The following TRIM11 variants were observed in gnomAD, a reference collection of about 807,000 sequenced individuals.
TRIM11 encodes the protein tripartite motif containing 11.
TRIM11 carries 15 observed loss-of-function variants against 33.4 expected under a neutral mutation model. That is an observed-to-expected ratio of 0.45 (90% confidence interval 0.30 to 0.69). TRIM11 has a LOEUF of 0.69. Among genes scored for constraint, TRIM11 ranks in the 30% least tolerant of loss-of-function variants. The pLI, the probability that TRIM11 is intolerant of heterozygous loss-of-function variation, is 0.08. For synonymous variants in TRIM11, 281 were observed against 302.6 expected (o/e 0.93, Z 0.74); for missense variants, 499 against 667.6 (o/e 0.75, Z 2.78).
intron 3 of TRIM11, among the ~76,000 whole-genome samples, chr1:228,397,875 C>T (rs981712170): frequency 1.3e-5 from 2 of 152,184 alleles, no homozygotes; most frequent in Non-Finnish European, 2.9e-5. Context: ...GACACAGACA[C>T]CCACAGAGGG....
chr1:228,406,578 A>C lies in TRIM11; in HGVS notation c.-17T>G. ...GGCGGCCATGGCGCGGACAGAGGGG[A>C]GGAAGGCGGTACTGTCCGCGGGGCG... On this transcript the variant is annotated 5_prime_UTR_variant, in exon 1 of 6. Transcript: ENST00000284551. This position sits in a 1 kb window ranked among gnomAD's most constrained non-coding sequence, Gnocchi z 8.2. The C allele has an allele frequency of 6.7e-7, 1 of 1,492,532 alleles. No individual in the cohort carries two copies. Among genetic ancestry groups the C allele is most frequent in the Middle Eastern group, 1.9e-4 (1 of 5,136 alleles). The allele number at this position is 1,492,532 out of a possible 1,614,324, so 92.5% of individuals were successfully genotyped here. A position where few individuals can be genotyped will look rare whatever the true frequency, so the allele number is the denominator to read the frequency against.
chr1:228,394,682 G>A lies in TRIM11; in HGVS notation c.*23C>T. ...GCCTGGAGGGGCAGGAGAGGCAACA[G>A]GACTCCTCCAGGAGGGCCCGAGTCA... On this transcript the variant is annotated 3_prime_UTR_variant, in exon 6 of 6. Coordinates refer to ENST00000284551, the MANE Select transcript of TRIM11 (RefSeq NM_145214.3). The surrounding 1 kb of genome is among the most constrained non-coding windows in gnomAD (Gnocchi z 6.2). 7 of 1,565,076 alleles carry A rather than the reference G, an allele frequency of 4.5e-6. No individual in the cohort carries two copies. The highest frequency in any genetic ancestry group is 6.1e-6 in the Non-Finnish European group (7 of 1,152,480).
intron 5 of TRIM11, 70 bp downstream of exon 5, chr1:228,396,877 G>A (rs1426050674): frequency 2.8e-6 from 4 of 1,445,998 alleles, no homozygotes; most frequent in Admixed American, 1.7e-5. Context: ...CAGAACACGT[G>A]GCTGGCTGCC....
rs1574082440 is a variant in TRIM11, at chr1:228,395,508, T to C, written c.860-256A>G. 1.3e-5 allele frequency: 5 copies of C among 372,148 alleles called. No homozygotes were observed. The highest frequency in any genetic ancestry group is 8.0e-5 in the East Asian group (2 of 25,084). The allele number at this position is 372,148 out of a possible 1,614,324, so 23.1% of individuals were successfully genotyped here. A position where few individuals can be genotyped will look rare whatever the true frequency, so the allele number is the denominator to read the frequency against. The stretch of plus-strand genomic sequence containing the variant: ...TTTGCCTTCAGATATCAAGAGGGAA[T>C]CTTGGTTGCTTTTTTTTTTTTTTTT... On this transcript the variant is annotated intron_variant, in intron 5 of 5. Transcript: ENST00000284551. This position sits in a 1 kb window ranked among gnomAD's most constrained non-coding sequence, Gnocchi z 4.8.
chr1:228,396,909 C>A, intron 5 of TRIM11, 38 bp downstream of exon 5: 1 of 1,600,404 alleles, frequency 6.2e-7, no homozygotes, highest in Non-Finnish European at 8.6e-7. Flanking sequence ...CAGGTCCCCT[C>A]CTGGAGTCAT....
chr1:228,400,985 C>T lies in TRIM11; in HGVS notation c.714G>A (p.Leu238=). The T allele has an allele frequency of 6.3e-7, 1 of 1,585,268 alleles. No homozygotes were observed. The highest frequency in any genetic ancestry group is 8.6e-7 in the Non-Finnish European group (1 of 1,164,562). The part of the protein sequence containing the change: ...LIAELEGRCQ[L]PALGLLQDIK... ...TCACCTGCAGCAGCCCCAGAGCAGG[C>T]AGCTGGCAGCGGCCCTCGAGCTCGG... The change falls in exon 3 of 6, where the codon CTG becomes CTA. Residue 238 remains leucine (L), a synonymous_variant. Transcript: ENST00000284551. This position sits in a 1 kb window ranked among gnomAD's most constrained non-coding sequence, Gnocchi z 4.5.
chr1:228,398,072 T>C (rs1311303723), intron 3 of TRIM11, among the ~76,000 whole-genome samples: 1 of 152,182 alleles, frequency 6.6e-6, no homozygotes, highest in African/African-American at 2.4e-5. Flanking sequence ...CACCCAGGTA[T>C]TGGAACATCA....
intron 4 of TRIM11, 47 bp from the exon 5 acceptor site, chr1:228,397,094 C>T (rs777816948): frequency 1.9e-6 from 3 of 1,613,698 alleles, no homozygotes. Flanking sequence ...ACAGCTGGGT[C>T]CCACCCCACT....
rs1022781337 is a variant in TRIM11 at position 228,406,787 on chromosome 1, G to A, written c.-226C>T. ...GCGCGTAGGCTCCGAGCGCTCGGGG[G>A]ACGCGGGACGTAGGGATCCCGGATG... On this transcript the variant is annotated 5_prime_UTR_variant, in exon 1 of 6. Coordinates refer to ENST00000284551, the MANE Select transcript of TRIM11 (RefSeq NM_145214.3). The surrounding 1 kb of genome is among the most constrained non-coding windows in gnomAD (Gnocchi z 8.2). 19 of 376,398 alleles carry A rather than the reference G, an allele frequency of 5.0e-5. No homozygotes were observed. The highest frequency in any genetic ancestry group is 3.4e-4 in the African/African-American group (16 of 47,388). 23.3% of individuals were successfully genotyped at this position (376,398 alleles called of 1,614,324 possible).
rs1025350370 is a variant in TRIM11 at position 228,401,949 on chromosome 1, C to T, written c.504+117G>A. On this transcript the variant is annotated intron_variant, in intron 2 of 5. Transcript: ENST00000284551. This position sits in a 1 kb window ranked among gnomAD's most constrained non-coding sequence, Gnocchi z 6.1. ...CGGTGGGGCCAGGCTGAAGCAGTGA[C>T]TGGTCCTGGGGCGCCAAGGGCAAGT... The T allele has an allele frequency of 8.8e-6, 6 of 681,424 alleles. No individual in the cohort carries two copies. The highest frequency in any genetic ancestry group is 1.1e-5 in the Non-Finnish European group (5 of 437,112). The allele number at this position is 681,424 out of a possible 1,614,324, so 42.2% of individuals were successfully genotyped here.
intron 1 of TRIM11, chr1:228,404,088 G>C (rs1326442159): frequency 6.6e-6 from 1 of 152,312 alleles, no homozygotes; most frequent in Non-Finnish European, 1.5e-5. Flanking sequence ...TCTCTGGCCA[G>C]ATCAGAACAG....
In TRIM11 at chr1:228,406,718, G is replaced by A. The variant is rs1480621761; in HGVS notation, c.-157C>T. The A allele has an allele frequency of 1.4e-5, 9 of 644,102 alleles. No homozygotes were observed. Among genetic ancestry groups the A allele is most frequent in the Middle Eastern group, 4.6e-4 (1 of 2,174 alleles). The allele number at this position is 644,102 out of a possible 1,614,324, so 39.9% of individuals were successfully genotyped here. On this transcript the variant is annotated 5_prime_UTR_variant, in exon 1 of 6. Coordinates refer to ENST00000284551, the MANE Select transcript of TRIM11 (RefSeq NM_145214.3). The surrounding 1 kb of genome is among the most constrained non-coding windows in gnomAD (Gnocchi z 8.2). ...CTCCCGGGTGCTCGGGCTCCGGGGC[G>A]CGGGGACTCCAGGGCGCAGGACTCT...
intron 3 of TRIM11, among the ~76,000 whole-genome samples, chr1:228,399,880 A>AC (rs1440257743): frequency 3.6e-4 from 1 of 2,766 alleles, no homozygotes; most frequent in Non-Finnish European, 4.4e-3. Flanking sequence ...TTAAATCTAC[A>AC]AAAAAAAAAA....
At position 228,394,036 on chromosome 1, in the gene TRIM11, C is replaced by G. The variant is rs1350846296; in HGVS notation, c.*669G>C. On this transcript the variant is annotated 3_prime_UTR_variant, in exon 6 of 6. Coordinates refer to ENST00000284551, the MANE Select transcript of TRIM11 (RefSeq NM_145214.3). This position sits in a 1 kb window ranked among gnomAD's most constrained non-coding sequence, Gnocchi z 6.2. Reference sequence around the variant, plus strand: ...GCAAAAGACATTTCTGGGCTCTGCTCTCTCCTCTAGGCCCACACACCTGCT... The same window carrying G: ...GCAAAAGACATTTCTGGGCTCTGCTGTCTCCTCTAGGCCCACACACCTGCT... 2 of 152,326 alleles carry G rather than the reference C, an allele frequency of 1.3e-5. No homozygotes were observed. The highest frequency in any genetic ancestry group is 2.9e-5 in the Non-Finnish European group (2 of 68,096). The allele number at this position is 152,326 out of a possible 1,614,324, so 9.4% of individuals were successfully genotyped here.
chr1:228,403,666 T>C lies in TRIM11; in HGVS notation c.409-1505A>G, dbSNP rs1656306413. 1 of 152,388 alleles carries C rather than the reference T, an allele frequency of 6.6e-6. No individual in the cohort carries two copies. The highest frequency in any genetic ancestry group is 1.5e-5 in the Non-Finnish European group (1 of 68,138). 9.4% of individuals were successfully genotyped at this position (152,388 alleles called of 1,614,324 possible). A position where few individuals can be genotyped will look rare whatever the true frequency, so the allele number is the denominator to read the frequency against. On this transcript the variant is annotated intron_variant, in intron 1 of 5. Transcript: ENST00000284551. This position sits in a 1 kb window ranked among gnomAD's most constrained non-coding sequence, Gnocchi z 4.8. ...TCCCTACGGGACATTTTCAGTTTTCTTTTTTTGAGACGGAGTCTCGCTTTG... is the reference window on the plus strand; with the variant it reads ...TCCCTACGGGACATTTTCAGTTTTCCTTTTTTGAGACGGAGTCTCGCTTTG...
rs753113960 is a variant in TRIM11 at position 228,397,054 on chromosome 1, G to A, written c.759-7C>T. ...CAGCTTCACATCCTGGACCCTAGAG[G>A]GGACAACCCAGGTGTTGTCGCCATG... is the stretch of plus-strand genomic sequence containing the variant. On this transcript the variant is annotated splice_polypyrimidine_tract_variant and splice_region_variant and intron_variant, in intron 4 of 5. Transcript: ENST00000284551. The A allele has an allele frequency of 6.2e-7, 1 of 1,613,834 alleles. No homozygotes were observed. Among genetic ancestry groups the A allele is most frequent in the South Asian group, 1.1e-5 (1 of 91,082 alleles).
chr1:228,397,139 G>GT lies in TRIM11; in HGVS notation c.758+3dup. ...CCCCCCTCCAGGAGAGGCTGGGTTC[G>GT]TACCTGCGCAGGGCGTCCTTGATGT... On this transcript the variant is annotated splice_donor_region_variant and intron_variant, in intron 4 of 5. Transcript: ENST00000284551. The GT allele has an allele frequency of 6.2e-7, 1 of 1,613,794 alleles. No individual in the cohort carries two copies. Among genetic ancestry groups the GT allele is most frequent in the Non-Finnish European group, 8.5e-7 (1 of 1,179,816 alleles).
Position 228,394,759 on chromosome 1 carries a change from C to A in TRIM11, c.1353G>T (p.Pro451=). Residue 451 remains proline (P), a synonymous_variant, in exon 6 of 6, where the codon CCG becomes CCT. Transcript: ENST00000284551. This position sits in a 1 kb window ranked among gnomAD's most constrained non-coding sequence, Gnocchi z 6.2. Reference sequence around the variant, plus strand: ...CACCTTTCGGCCGGCAGATAGTCATCGGGGTCGGGCTGCTGGACAGGGGTG... The same window carrying A: ...CACCTTTCGGCCGGCAGATAGTCATAGGGGTCGGGCTGCTGGACAGGGGTG... The part of the protein sequence containing the change: ...LFSPLSSSPT[P]MTICRPKGGS... The A allele has an allele frequency of 6.2e-7, 1 of 1,613,174 alleles. No homozygotes were observed. Among genetic ancestry groups the A allele is most frequent in the Non-Finnish European group, 8.5e-7 (1 of 1,179,424 alleles).
In TRIM11 at chr1:228,396,610, G is replaced by T. The variant is rs1295759093; in HGVS notation, c.859+337C>A. On this transcript the variant is annotated intron_variant, in intron 5 of 5. Transcript: ENST00000284551. The stretch of plus-strand genomic sequence containing the variant: ...TGGGCAGCCCCTGGAAGTTGTGACT[G>T]GCATCTGAAGTGGGGGCAGTCTTAT... 8.8e-6 allele frequency: 6 copies of T among 678,264 alleles called. No individual in the cohort carries two copies. The South Asian group carries it at 9.8e-5, about 11-fold the overall frequency. 42.0% of individuals were successfully genotyped at this position (678,264 alleles called of 1,614,324 possible). A position where few individuals can be genotyped will look rare whatever the true frequency, so the allele number is the denominator to read the frequency against.
Sources: gnomAD v4.1 joint callset for allele counts (sites outside exome capture counted in the v4.1 genomes callset) on GRCh38, gnomAD v4.1.1 for gene constraint, Gnocchi (gnomAD v3.1) non-coding constraint, MANE v1.5 for transcripts, NCBI Gene and HGNC (gene_info 2026-07-23, HGNC 2026-07-21) for gene names.